Variants in ELAVL4 observed in about 807,000 individuals in gnomAD.
ELAVL4 encodes the protein ELAV-like protein 4.
ELAVL4 carries 1 observed loss-of-function variant against 35.6 expected under a neutral mutation model. The ratio of observed to expected loss-of-function variants is 0.03; its 90% confidence interval spans 0.01 to 0.13. The LOEUF (loss-of-function observed/expected upper bound fraction) is 0.13, where lower values mean the gene tolerates loss of function less well. ELAVL4 is among the 10% of genes least tolerant of loss of function. The pLI, the probability that ELAVL4 is intolerant of heterozygous loss-of-function variation, is 1.00. For synonymous variants in ELAVL4, 156 were observed against 171.0 expected (o/e 0.91, Z 0.69); for missense variants, 267 against 464.9 (o/e 0.57, Z 3.91).
At chr1:50,132,744 C>T (rs149165658) in intron 1 of ELAVL4, among the ~76,000 whole-genome samples, 7 of 152,238 alleles carry the variant, frequency 4.6e-5, no homozygotes, top group African/African-American at 1.7e-4. Flanking sequence ...AATACTGTGA[C>T]TCCAAACTGG....
At chr1:50,127,502 C>T (rs1419609339) in intron 1 of ELAVL4, among the ~76,000 whole-genome samples, 1 of 152,092 alleles carries the variant, frequency 6.6e-6, no homozygotes, top group Non-Finnish European at 1.5e-5. Flanking sequence ...ATGGAAGGGA[C>T]ATACTGCCAA....
In ELAVL4 at chr1:50,191,522, G is replaced by A. The variant is rs1682657163; in HGVS notation, c.355-2243G>A. ...TTCAGTAGGTGTTGAACACTTTATA[G>A]GTATCAGGCTATGTGCTGGGAGCTA... On this transcript the variant is annotated intron_variant, in intron 3 of 6. Coordinates refer to ENST00000371824, the MANE Select transcript of ELAVL4 (RefSeq NM_001144774.3). 2.0e-5 allele frequency among the ~76,000 whole-genome samples: 3 copies of A among 152,064 alleles called. No homozygotes were observed. In the South Asian group the frequency reaches 6.2e-4, roughly 32 times the overall value.
At chr1:50,190,847 G>A (rs1682556895) in intron 3 of ELAVL4, among the ~76,000 whole-genome samples, 1 of 152,224 alleles carries the variant, frequency 6.6e-6, no homozygotes. Flanking sequence ...GCCAGGTACT[G>A]TGCTAAGCCC....
intron 1 of ELAVL4, among the ~76,000 whole-genome samples, chr1:50,094,795 T>C (rs1334883511): frequency 7.1e-6 from 1 of 141,700 alleles, no homozygotes; most frequent in Non-Finnish European, 1.5e-5. Flanking sequence ...CTGGGCTTGA[T>C]GGCAGGTGCC....
intron 1 of ELAVL4, among the ~76,000 whole-genome samples, chr1:50,115,456 G>C (rs1471031851): frequency 6.6e-6 from 1 of 151,766 alleles, no homozygotes; most frequent in Non-Finnish European, 1.5e-5. Context: ...ATATGTCTTA[G>C]GTCTCTCCTG....
upstream of ELAVL4, among the ~76,000 whole-genome samples, chr1:50,103,713 T>C (rs1389881118): frequency 6.6e-6 from 1 of 152,236 alleles, no homozygotes; most frequent in East Asian, 1.9e-4. Flanking sequence ...GAATTCCTGA[T>C]TTCTGCATGA....
intron 5 of ELAVL4, 67 bp from the exon 6 acceptor site, chr1:50,197,362 A>G: frequency 1.4e-6 from 2 of 1,462,604 alleles, no homozygotes; most frequent in Non-Finnish European, 1.8e-6. Context: ...CATTCTTATT[A>G]ATAGTTCCAT....
intron 1 of ELAVL4, among the ~76,000 whole-genome samples, chr1:50,125,538 G>A (rs899635596): frequency 2.6e-5 from 4 of 151,996 alleles, no homozygotes; most frequent in East Asian, 3.9e-4. Context: ...GGAATGATTG[G>A]ACAATTGGAC....
intron 2 of ELAVL4, among the ~76,000 whole-genome samples, chr1:50,158,752 C>T (rs936865659): frequency 5.3e-5 from 8 of 152,116 alleles, no homozygotes; most frequent in Non-Finnish European, 1.0e-4. Context: ...TAAAAGTACT[C>T]CATGGCAGCC....
intron 2 of ELAVL4, among the ~76,000 whole-genome samples, chr1:50,172,689 CT>C (rs1345054289): frequency 6.6e-6 from 1 of 152,196 alleles, no homozygotes; most frequent in African/African-American, 2.4e-5. Flanking sequence ...TTTCTAACCC[CT>C]GATCCAGACT....
At chr1:50,108,865 T>C (rs1666593286), upstream of ELAVL4, 3 of 1,020,206 alleles carry the variant, frequency 2.9e-6, no homozygotes, top group East Asian at 1.8e-4. Context: ...GCCAATCAGA[T>C]CCAGGCTTCG....
At chr1:50,058,031 A>G (rs772746055) in intron 1 of ELAVL4, among the ~76,000 whole-genome samples, 3 of 152,174 alleles carry the variant, frequency 2.0e-5, no homozygotes, top group Non-Finnish European at 4.4e-5. Flanking sequence ...GCACCGAAAC[A>G]TTTTTCCAAA....
At chr1:50,060,793 C>G (rs1663922658) in intron 1 of ELAVL4, among the ~76,000 whole-genome samples, 1 of 152,208 alleles carries the variant, frequency 6.6e-6, no homozygotes, top group Admixed American at 6.5e-5. Flanking sequence ...CCACACCACT[C>G]CATCTCTTCT....
chr1:50,105,922 C>T (rs1056588235), upstream of ELAVL4: 3 of 177,606 alleles, frequency 1.7e-5, no homozygotes, highest in Non-Finnish European at 3.5e-5. Context: ...ATCAGCAGGA[C>T]GCTTAATGCT....
intron 3 of ELAVL4, among the ~76,000 whole-genome samples, chr1:50,184,927 A>G (rs955220740): frequency 4.6e-5 from 7 of 152,250 alleles, no homozygotes; most frequent in African/African-American, 1.7e-4. Context: ...CACTAGCAAT[A>G]TATGGCTATT....
chr1:50,193,424 T>C (rs2148879411), intron 3 of ELAVL4, among the ~76,000 whole-genome samples: 1 of 151,422 alleles, frequency 6.6e-6, no homozygotes, highest in East Asian at 2.0e-4. Flanking sequence ...CAGTAAATCA[T>C]CTATACACCC....
intron 2 of ELAVL4, among the ~76,000 whole-genome samples, chr1:50,161,640 G>A (rs1572464041): frequency 6.6e-6 from 1 of 152,314 alleles, no homozygotes; most frequent in East Asian, 1.9e-4. Context: ...CTGTCATTTG[G>A]AGCAATTTAT....
intron 6 of ELAVL4, among the ~76,000 whole-genome samples, chr1:50,198,859 C>T (rs1329912735): frequency 6.6e-6 from 1 of 152,086 alleles, no homozygotes; most frequent in African/African-American, 2.4e-5. Context: ...CGCTTCCTAC[C>T]AAAATGCTGC....
At chr1:50,048,163 A>C in exon 1 of ELAVL4, 1 of 1,522,266 alleles carries the variant, frequency 6.6e-7, no homozygotes, top group Non-Finnish European at 8.8e-7. Context: ...CCGGCGGGGA[A>C]GATGCGCCTC....
Sources: gnomAD v4.1 joint callset for allele counts (sites outside exome capture counted in the v4.1 genomes callset) on GRCh38, gnomAD v4.1.1 for gene constraint, MANE v1.5 for transcripts, NCBI Gene and HGNC (gene_info 2026-07-23, HGNC 2026-07-21) for gene names.